The following SEMA3A variants were observed in gnomAD, a reference collection of about 807,000 sequenced individuals.
SEMA3A encodes semaphorin 3A, also known as semaphorin-3A.
A neutral mutation model predicts 97.9 loss-of-function variants in SEMA3A; 29 were observed. That is an observed-to-expected ratio of 0.30 (90% confidence interval 0.22 to 0.40). The LOEUF is 0.40. Among genes scored for constraint, SEMA3A ranks in the 10% least tolerant of loss-of-function variants. SEMA3A has a pLI of 1.00. For missense variants in SEMA3A, 763 were observed against 951.3 expected, an observed-to-expected ratio of 0.80 and a Z score of 2.60; for synonymous variants, 321 against 323.7, an observed-to-expected ratio of 0.99 and a Z score of 0.09.
At chr7:84,035,179 CTT>C (rs1225826165) in intron 6 of SEMA3A, among the ~76,000 whole-genome samples, 1 of 151,956 alleles carries the variant, frequency 6.6e-6, no homozygotes, top group Non-Finnish European at 1.5e-5. Flanking sequence ...ATTTCCCTAT[CTT>C]TTGAAATAAT....
Position 84,014,086 on chromosome 7 carries a change from T to A in SEMA3A, c.810+123A>T, listed in dbSNP as rs1054519002. ...TATTCAATCATTATTTACCATTTAT[T>A]TGTTATGTGAGTCAAGCTTTAGCCA... is the stretch of plus-strand genomic sequence containing the variant. On this transcript the variant is annotated intron_variant, in intron 7 of 16. Transcript: ENST00000265362. 6.8e-6 allele frequency: 5 copies of A among 738,578 alleles called. No homozygotes were observed. In the African/African-American group the frequency reaches 8.9e-5, roughly 13 times the overall value. The allele number at this position is 738,578 out of a possible 1,614,324, so 45.8% of individuals were successfully genotyped here.
intron 2 of SEMA3A, among the ~76,000 whole-genome samples, chr7:84,335,314 G>T (rs999452212): frequency 4.6e-5 from 7 of 152,022 alleles, no homozygotes; most frequent in Non-Finnish European, 7.4e-5. Context: ...TACAAATTTT[G>T]CACCTTTATT....
intron 4 of SEMA3A, among the ~76,000 whole-genome samples, chr7:84,069,544 G>C (rs1193013208): frequency 6.6e-6 from 1 of 151,982 alleles, no homozygotes; most frequent in African/African-American, 2.4e-5. Context: ...TAAATATTTT[G>C]ACCTTTCACA....
intron 1 of SEMA3A, among the ~76,000 whole-genome samples, chr7:84,419,043 CT>C (rs1470024993): frequency 6.6e-6 from 1 of 151,864 alleles, no homozygotes; most frequent in African/African-American, 2.4e-5. Context: ...ATTGGTTTCT[CT>C]TTCATGTTAT....
intron 1 of SEMA3A, among the ~76,000 whole-genome samples, chr7:84,386,699 T>C (rs1803405511): frequency 6.6e-6 from 1 of 152,152 alleles, no homozygotes. Context: ...TATATTCCAA[T>C]ACTTAAGAGT....
rs540090323 is a variant in SEMA3A, at chr7:84,060,446, T to G, written c.547+19A>C. ...TATTTATAGAAAACTCACTATTTAATTGATTGTTGACTACGCACCTATTAA... is the reference window on the plus strand; with the variant it reads ...TATTTATAGAAAACTCACTATTTAAGTGATTGTTGACTACGCACCTATTAA... On this transcript the variant is annotated intron_variant, in intron 5 of 16. Coordinates refer to ENST00000265362, the MANE Select transcript of SEMA3A (RefSeq NM_006080.3). The G allele has an allele frequency of 6.8e-7, 1 of 1,481,238 alleles. No individual in the cohort carries two copies. The highest frequency in any genetic ancestry group is 2.4e-5 in the East Asian group (1 of 41,398). The allele number at this position is 1,481,238 out of a possible 1,614,324, so 91.8% of individuals were successfully genotyped here. A position where few individuals can be genotyped will look rare whatever the true frequency, so the allele number is the denominator to read the frequency against.
intron 7 of SEMA3A, among the ~76,000 whole-genome samples, chr7:84,013,503 CA>C (rs924501535): frequency 2.0e-5 from 3 of 151,626 alleles, no homozygotes; most frequent in African/African-American, 7.3e-5. Context: ...AACGAGCTTT[CA>C]TGTTTTTCTC....
intron 1 of SEMA3A, among the ~76,000 whole-genome samples, chr7:84,192,663 C>G (rs1234032459): frequency 1.3e-5 from 2 of 151,874 alleles, no homozygotes; most frequent in African/African-American, 4.8e-5. Flanking sequence ...AGTGCCTCCT[C>G]TATCATGGAG....
At chr7:84,166,102 C>G (rs1434327598) in intron 1 of SEMA3A, among the ~76,000 whole-genome samples, 1 of 151,842 alleles carries the variant, frequency 6.6e-6, no homozygotes, top group African/African-American at 2.4e-5. Flanking sequence ...CAGAGACACT[C>G]TCTCTTGAAA....
chr7:84,202,729 T>G (rs1798385343), intron 3 of SEMA3A, among the ~76,000 whole-genome samples: 2 of 152,322 alleles, frequency 1.3e-5, no homozygotes, highest in South Asian at 4.1e-4. Flanking sequence ...AACAAAATTT[T>G]GAGATATGTT....
At chr7:84,193,772 CA>C (rs966027963) in intron 1 of SEMA3A, among the ~76,000 whole-genome samples, 3 of 152,096 alleles carry the variant, frequency 2.0e-5, no homozygotes, top group Non-Finnish European at 2.9e-5. Context: ...TTATACTTTT[CA>C]AAAGAGAAGT....
intron 2 of SEMA3A, among the ~76,000 whole-genome samples, chr7:84,355,012 C>T (rs557932116): frequency 6.6e-6 from 1 of 151,814 alleles, no homozygotes; most frequent in Admixed American, 6.6e-5. Context: ...CATACCAGAC[C>T]TTCATGACTA....
chr7:84,403,964 G>T (rs565611203), intron 1 of SEMA3A, among the ~76,000 whole-genome samples: 1 of 152,102 alleles, frequency 6.6e-6, no homozygotes, highest in South Asian at 2.1e-4. Context: ...CAGAAAAACC[G>T]GAAACTCTAA....
At chr7:84,049,191 G>C (rs750417648) in intron 5 of SEMA3A, among the ~76,000 whole-genome samples, 3 of 151,976 alleles carry the variant, frequency 2.0e-5, no homozygotes, top group African/African-American at 7.3e-5. Context: ...CCAGCTATAG[G>C]AAATTACCTC....
intron 6 of SEMA3A, among the ~76,000 whole-genome samples, chr7:84,044,888 G>A (rs933660800): frequency 1.3e-4 from 20 of 152,010 alleles, no homozygotes; most frequent in African/African-American, 4.8e-4. Flanking sequence ...GAACATCAAT[G>A]CCATTAAAAG....
chr7:84,313,400 ATAT>A (rs199616501), intron 2 of SEMA3A, among the ~76,000 whole-genome samples: 3 of 122,046 alleles, frequency 2.5e-5, no homozygotes, highest in African/African-American at 9.1e-5. Flanking sequence ...ATATATATAT[ATAT>A]ATAAACTATA....
intron 2 of SEMA3A, among the ~76,000 whole-genome samples, chr7:84,363,067 C>T (rs1436172034): frequency 6.6e-6 from 1 of 151,950 alleles, no homozygotes. Flanking sequence ...AGATCACCAT[C>T]CTGCCTCAGA....
At chr7:84,168,725 G>T (rs1259992047) in intron 1 of SEMA3A, among the ~76,000 whole-genome samples, 3 of 151,624 alleles carry the variant, frequency 2.0e-5, no homozygotes, top group Admixed American at 6.6e-5. Flanking sequence ...TTACTAGAAA[G>T]GCATATTATT....
At chr7:84,285,122 ATT>A (rs1043133926) in intron 3 of SEMA3A, among the ~76,000 whole-genome samples, 2 of 152,140 alleles carry the variant, frequency 1.3e-5, no homozygotes, top group Non-Finnish European at 2.9e-5. Flanking sequence ...GGTCTTAAAC[ATT>A]TTTCTCCCAT....
Sources: allele counts gnomAD v4.1 joint callset (sites outside exome capture counted in the v4.1 genomes callset), GRCh38; gene constraint gnomAD v4.1.1; transcripts MANE v1.5; gene names NCBI Gene and HGNC (gene_info 2026-07-23, HGNC 2026-07-21).